Variants in SMIM31 observed in about 807,000 individuals in gnomAD.
SMIM31 encodes small integral membrane protein 31, also known as human epithelial cell program regulator.
intron 2 of SMIM31, among the ~76,000 whole-genome samples, chr4:164,777,971 T>C (rs1732898577): frequency 6.6e-6 from 1 of 152,232 alleles, no homozygotes; most frequent in Non-Finnish European, 1.5e-5. Context: ...CAGAAAGATA[T>C]CGGTTCATAA....
intron 2 of SMIM31, among the ~76,000 whole-genome samples, chr4:164,778,628 A>G (rs1275000195): frequency 2.0e-5 from 3 of 152,196 alleles, no homozygotes; most frequent in African/African-American, 4.8e-5. Context: ...ACCACATTGT[A>G]AAGCAGGGAA....
At chr4:164,785,842 G>A (rs1269797395) in intron 2 of SMIM31, among the ~76,000 whole-genome samples, 3 of 151,994 alleles carry the variant, frequency 2.0e-5, no homozygotes, top group African/African-American at 4.8e-5. Context: ...TATAATGGAA[G>A]AAGTAGAATA....
rs1036721042 is a variant in SMIM31, at chr4:164,761,743, C to G, written c.-26+7332C>G. Among the ~76,000 whole-genome samples the G allele has an allele frequency of 2.1e-5, 3 of 146,158 alleles. No individual in the cohort carries two copies. The East Asian group carries it at 6.1e-4, about 29-fold the overall frequency. On this transcript the variant is annotated intron_variant, in intron 1 of 2. Transcript: ENST00000507311. Reference sequence around the variant, plus strand: ...ACCAGCCTGGCCAAGATGGTGAAACCCCATCTCTACTAAAAATACAAAAAA... The same window carrying G: ...ACCAGCCTGGCCAAGATGGTGAAACGCCATCTCTACTAAAAATACAAAAAA...
At chr4:164,798,901 A>G (rs2110967558) in intron 2 of SMIM31, among the ~76,000 whole-genome samples, 1 of 152,098 alleles carries the variant, frequency 6.6e-6, no homozygotes, top group East Asian at 1.9e-4. Context: ...ATGAAGTCCG[A>G]CTGTTTAAAG....
chr4:164,799,909 A>G (rs1032762602), intron 2 of SMIM31, among the ~76,000 whole-genome samples: 1 of 152,264 alleles, frequency 6.6e-6, no homozygotes, highest in Admixed American at 6.5e-5. Context: ...GACTAATGAT[A>G]TAAATGGACA....
At chr4:164,764,491 T>G (rs28715383) in intron 1 of SMIM31, among the ~76,000 whole-genome samples, 1 of 149,368 alleles carries the variant, frequency 6.7e-6, no homozygotes, top group Non-Finnish European at 1.5e-5. Context: ...TGCTCGAACC[T>G]GGGAGGCGGA....
intron 2 of SMIM31, among the ~76,000 whole-genome samples, chr4:164,788,782 G>A (rs1451375102): frequency 2.6e-5 from 4 of 151,958 alleles, no homozygotes; most frequent in African/African-American, 4.8e-5. Context: ...CACCACGCCC[G>A]GCCCTTTTCT....
chr4:164,783,531 G>GA (rs67784042), intron 2 of SMIM31, among the ~76,000 whole-genome samples: 1,693 of 114,586 alleles, frequency 0.015, 13 homozygotes, highest in African/African-American at 0.036. Flanking sequence ...CTCAAAAAAA[G>GA]AAAAAAAAAA....
chr4:164,800,662 A>C (rs1348815089), intron 2 of SMIM31, among the ~76,000 whole-genome samples: 1 of 152,194 alleles, frequency 6.6e-6, no homozygotes, highest in African/African-American at 2.4e-5. Flanking sequence ...CAGTCTGTGG[A>C]CAGTGGCCTC....
chr4:164,780,532 AT>A (rs1732936806), intron 2 of SMIM31, among the ~76,000 whole-genome samples: 1 of 152,240 alleles, frequency 6.6e-6, no homozygotes, highest in Admixed American at 6.5e-5. Flanking sequence ...AGATCAATGA[AT>A]CCTAATACTG....
intron 1 of SMIM31, among the ~76,000 whole-genome samples, chr4:164,760,173 T>A (rs1419753430): frequency 2.0e-5 from 3 of 152,122 alleles, no homozygotes; most frequent in African/African-American, 7.2e-5. Context: ...CAGGACCAGA[T>A]AATTTAGGGT....
chr4:164,785,357 A>G (rs1219051838), intron 2 of SMIM31, among the ~76,000 whole-genome samples: 1 of 152,166 alleles, frequency 6.6e-6, no homozygotes, highest in South Asian at 2.1e-4. Flanking sequence ...TTGTTTGTTT[A>G]CACTTTGTTT....
At chr4:164,791,577 C>A (rs1733101698) in intron 2 of SMIM31, among the ~76,000 whole-genome samples, 1 of 152,138 alleles carries the variant, frequency 6.6e-6, no homozygotes, top group Non-Finnish European at 1.5e-5. Flanking sequence ...CTCAAGCAAT[C>A]CACTTGCCTT....
chr4:164,762,872 T>C (rs1732671066), intron 1 of SMIM31, among the ~76,000 whole-genome samples: 1 of 152,140 alleles, frequency 6.6e-6, no homozygotes, highest in South Asian at 2.1e-4. Flanking sequence ...ATGAAACGCT[T>C]TGAAGAACAT....
chr4:164,794,448 C>A (rs1733160929), intron 2 of SMIM31, among the ~76,000 whole-genome samples: 1 of 151,900 alleles, frequency 6.6e-6, no homozygotes, highest in African/African-American at 2.4e-5. Flanking sequence ...GAAATTTCCA[C>A]AATCTTTAGT....
At chr4:164,765,040 G>A (rs1487792331) in intron 1 of SMIM31, among the ~76,000 whole-genome samples, 1 of 152,190 alleles carries the variant, frequency 6.6e-6, no homozygotes, top group Non-Finnish European at 1.5e-5. Context: ...ATTGTATGGT[G>A]TCTGGACAAG....
chr4:164,764,340 G>A (rs920275789), intron 1 of SMIM31, among the ~76,000 whole-genome samples: 8 of 151,846 alleles, frequency 5.3e-5, no homozygotes, highest in East Asian at 3.9e-4. Context: ...AGGCCGAGGC[G>A]GGCAGATCAT....
In SMIM31 at chr4:164,788,478, C is replaced by CTTTTTTTTTTTTTTTTTTTTTTTTT. The variant is rs72177805; in HGVS notation, c.113-12609_113-12585dup. On this transcript the variant is annotated intron_variant, in intron 2 of 2. Transcript: ENST00000507311. Reference sequence around the variant, plus strand: ...ATAAAATTTCTTTCTTCTAATTTTTCTTTTTTTTTTTTTTTTTTTTTTTTT... The same window carrying CTTTTTTTTTTTTTTTTTTTTTTTTT: ...ATAAAATTTCTTTCTTCTAATTTTTCTTTTTTTTTTTTTTTTTTTTTTTTTTTTTTTTTTTTTTTTTTTTTTTTTT... Among the ~76,000 whole-genome samples, 160 of 58,192 alleles carry CTTTTTTTTTTTTTTTTTTTTTTTTT rather than the reference C, an allele frequency of 2.7e-3. 43 individuals are homozygous for CTTTTTTTTTTTTTTTTTTTTTTTTT. Among genetic ancestry groups the CTTTTTTTTTTTTTTTTTTTTTTTTT allele is most frequent in the East Asian group, 4.6e-3 (9 of 1,942 alleles). 38.2% of individuals were successfully genotyped at this position (58,192 alleles called of 152,430 possible).
chr4:164,775,063 C>T (rs1732861997), intron 2 of SMIM31, among the ~76,000 whole-genome samples: 2 of 152,216 alleles, frequency 1.3e-5, no homozygotes, highest in South Asian at 4.1e-4. Flanking sequence ...AAACTGACAA[C>T]ATCGAACTTT....
Sources: gnomAD v4.1 joint callset for allele counts (sites outside exome capture counted in the v4.1 genomes callset) on GRCh38, gnomAD v4.1.1 for gene constraint, MANE v1.5 for transcripts, NCBI Gene and HGNC (gene_info 2026-07-23, HGNC 2026-07-21) for gene names.